KLHL8: variants seen among roughly 807,000 people sequenced by gnomAD.
The protein encoded by KLHL8 is kelch-like protein 8.
A neutral mutation model predicts 63.5 loss-of-function variants in KLHL8; 38 were observed. The ratio of observed to expected loss-of-function variants is 0.60; its 90% CI spans 0.46 to 0.78. The LOEUF (loss-of-function observed/expected upper bound fraction) is 0.78, where lower values mean the gene tolerates loss of function less well. Among genes scored for constraint, KLHL8 ranks in the 30% least tolerant of loss-of-function variants. The pLI, the probability that KLHL8 is intolerant of heterozygous loss-of-function variation, is 0.00. For synonymous variants in KLHL8, 224 were observed against 254.3 expected (o/e 0.88, Z 1.13); for missense variants, 566 against 752.4 (o/e 0.75, Z 2.90).
At chr4:87,169,306 AAAAT>A (rs1443996606) in intron 8 of KLHL8, among the ~76,000 whole-genome samples, 3 of 152,140 alleles carry the variant, frequency 2.0e-5, no homozygotes, top group Non-Finnish European at 2.9e-5. Context: ...CTCTATCTCA[AAAAT>A]AAATAAATAA....
intron 1 of KLHL8, chr4:87,207,123 G>A (rs971004025): frequency 2.2e-5 from 12 of 535,716 alleles, no homozygotes; most frequent in Admixed American, 1.2e-4. Context: ...GGATTTGGTC[G>A]TATTGGATGC....
chr4:87,222,451 G>A (rs1732894908), upstream of KLHL8, among the ~76,000 whole-genome samples: 2 of 152,054 alleles, frequency 1.3e-5, no homozygotes, highest in South Asian at 2.1e-4. Flanking sequence ...AATAAATTTT[G>A]TATGTCTTTT....
intron 1 of KLHL8, among the ~76,000 whole-genome samples, chr4:87,235,974 G>A (rs894690112): frequency 2.0e-5 from 3 of 152,104 alleles, no homozygotes; most frequent in Non-Finnish European, 2.9e-5. Flanking sequence ...GCCCTCTGCT[G>A]GAATATATTG....
intron 4 of KLHL8, among the ~76,000 whole-genome samples, chr4:87,179,503 A>T (rs1730965246): frequency 6.6e-6 from 1 of 152,166 alleles, no homozygotes; most frequent in Admixed American, 6.5e-5. Context: ...GGGCAGGTGC[A>T]GTGGCTCATG....
chr4:87,176,865 T>G lies in KLHL8; in HGVS notation c.1100A>C (p.Lys367Thr). The change falls in exon 6 of 10, where the codon AAA becomes ACA. Residue 367 changes from lysine to threonine, a missense_variant. Lys to Thr is a moderately conservative substitution (Grantham distance 78). Coordinates refer to ENST00000273963, the MANE Select transcript of KLHL8 (RefSeq NM_020803.5). ...RHVGVISVEG[K>T]VYAVGGHDGN... ...ATCATGTCCACCTACTGCATACACT[T>G]TACCTGTCAAATAGAGAAGTATTTT... 6.4e-7 allele frequency: 1 copy of G among 1,552,612 alleles called. No homozygotes were observed. Among genetic ancestry groups the G allele is most frequent in the Non-Finnish European group, 8.8e-7 (1 of 1,137,390 alleles).
chr4:87,236,663 C>CTTTTTTTT (rs34454982), intron 1 of KLHL8, among the ~76,000 whole-genome samples: 6 of 110,428 alleles, frequency 5.4e-5, no homozygotes, highest in East Asian at 2.9e-4. Context: ...TGTACTGTGT[C>CTTTTTTTT]TTTTTTTTTT....
chr4:87,187,515 G>A, intron 2 of KLHL8, among the ~76,000 whole-genome samples: 1 of 150,962 alleles, frequency 6.6e-6, no homozygotes, highest in Non-Finnish European at 1.5e-5. Context: ...AGAGTATTAG[G>A]CATTTGTCAT....
At chr4:87,212,456 T>C (rs1343933951) in intron 1 of KLHL8, among the ~76,000 whole-genome samples, 1 of 152,074 alleles carries the variant, frequency 6.6e-6, no homozygotes, top group Non-Finnish European at 1.5e-5. Context: ...GGCTTGCACT[T>C]GTAGTCCCAG....
At chr4:87,198,458 C>T (rs1731785926) in intron 1 of KLHL8, among the ~76,000 whole-genome samples, 1 of 152,138 alleles carries the variant, frequency 6.6e-6, no homozygotes, top group Non-Finnish European at 1.5e-5. Context: ...CTAACCACTT[C>T]CAATTAAAGG....
intron 1 of KLHL8, among the ~76,000 whole-genome samples, chr4:87,235,219 T>A (rs1405147898): frequency 6.6e-6 from 1 of 152,186 alleles, no homozygotes; most frequent in African/African-American, 2.4e-5. Flanking sequence ...CCAGAGCAAC[T>A]TCCAGTCCTG....
At chr4:87,208,051 A>G (rs779667661) in intron 1 of KLHL8, 4 of 617,636 alleles carry the variant, frequency 6.5e-6, no homozygotes, top group African/African-American at 1.8e-5. Flanking sequence ...CTACAGCAAC[A>G]AGGTCGTGGA....
At chr4:87,165,528 G>GAACT (rs1730364640) in intron 8 of KLHL8, among the ~76,000 whole-genome samples, 1 of 151,600 alleles carries the variant, frequency 6.6e-6, no homozygotes, top group Non-Finnish European at 1.5e-5. Flanking sequence ...TAAGTAGCTG[G>GAACT]AACTATAGGC....
At chr4:87,229,016 TA>T (rs1227782827) in intron 1 of KLHL8, among the ~76,000 whole-genome samples, 2 of 152,196 alleles carry the variant, frequency 1.3e-5, no homozygotes, top group Non-Finnish European at 2.9e-5. Flanking sequence ...GAAATTACAC[TA>T]AAAAAATTAT....
rs1373848027 is a variant in KLHL8 at position 87,172,947 on chromosome 4, T to C, written c.1209-2332A>G. ...ATTTACTATACATGCATATTAAATA[T>C]ATATGTTTAATTCAAAGCCCATCAG... On this transcript the variant is annotated intron_variant, in intron 6 of 9. Coordinates refer to ENST00000273963, the MANE Select transcript of KLHL8 (RefSeq NM_020803.5). Among the ~76,000 whole-genome samples the C allele has an allele frequency of 3.9e-5, 6 of 152,196 alleles. No individual in the cohort carries two copies. In the South Asian group the frequency reaches 6.2e-4, roughly 16 times the overall value.
intron 2 of KLHL8, among the ~76,000 whole-genome samples, chr4:87,192,123 A>G (rs1404113757): frequency 2.0e-5 from 3 of 152,172 alleles, no homozygotes; most frequent in Non-Finnish European, 4.4e-5. Context: ...CTCTGGGTAT[A>G]TACCCACTAG....
upstream of KLHL8, among the ~76,000 whole-genome samples, chr4:87,223,578 G>A (rs1429248856): frequency 6.6e-6 from 1 of 152,038 alleles, no homozygotes; most frequent in Non-Finnish European, 1.5e-5. Flanking sequence ...ATAATGAAAA[G>A]GTATGCATGG....
intron 8 of KLHL8, among the ~76,000 whole-genome samples, chr4:87,164,997 A>C (rs569864676): frequency 3.3e-5 from 5 of 151,824 alleles, no homozygotes; most frequent in Admixed American, 6.6e-5. Context: ...AAATACAAAA[A>C]AATTAGCTGG....
chr4:87,207,219 A>G lies in KLHL8; in HGVS notation c.-151-11529T>C, dbSNP rs943561654. The G allele has an allele frequency of 2.3e-5, 13 of 567,740 alleles. No homozygotes were observed. In the Admixed American group the frequency reaches 2.5e-4, roughly 11 times the overall value. The allele number at this position is 567,740 out of a possible 1,614,324, so 35.2% of individuals were successfully genotyped here. ...TTCATTGACCTCAACTACATGGTCTACATGTTCCAGTAGGATTTTACCTAT... is the reference window on the plus strand; with the variant it reads ...TTCATTGACCTCAACTACATGGTCTGCATGTTCCAGTAGGATTTTACCTAT... On this transcript the variant is annotated intron_variant, in intron 1 of 9. Transcript: ENST00000273963.
chr4:87,237,010 T>G (rs1229977538), intron 1 of KLHL8, among the ~76,000 whole-genome samples: 1 of 152,162 alleles, frequency 6.6e-6, no homozygotes, highest in Admixed American at 6.5e-5. Context: ...TCAAACACTT[T>G]GACAGCGGGA....
Sources: gnomAD v4.1 joint callset for allele counts (sites outside exome capture counted in the v4.1 genomes callset) on GRCh38, gnomAD v4.1.1 for gene constraint, MANE v1.5 for transcripts, NCBI Gene and HGNC (gene_info 2026-07-23, HGNC 2026-07-21) for gene names.